The following PRSS23 variants were observed in gnomAD, a reference collection of about 807,000 sequenced individuals.
PRSS23 encodes protease, serine 23.
PRSS23 carries 25 observed loss-of-function variants against 34.7 expected under a neutral mutation model. The observed-to-expected ratio is 0.72, with a 90% CI of 0.53 to 1.01. The LOEUF is 1.01. Among genes scored for constraint, PRSS23 ranks in the 50% least tolerant of loss-of-function variants. The pLI is 0.00. For missense variants in PRSS23, 445 were observed against 475.6 expected, an observed-to-expected ratio of 0.94 and a Z score of 0.60; for synonymous variants, 176 against 186.6, an observed-to-expected ratio of 0.94 and a Z score of 0.46.
At chr11:86,856,479 A>T (rs749263649) in intron 2 of PRSS23, among the ~76,000 whole-genome samples, 1 of 152,184 alleles carries the variant, frequency 6.6e-6, no homozygotes, top group African/African-American at 2.4e-5. Flanking sequence ...TCTACACATA[A>T]CCTGCCTAAA....
intron 2 of PRSS23, chr11:86,833,304 G>A (rs1590885188): frequency 6.2e-6 from 9 of 1,449,670 alleles, no homozygotes; most frequent in East Asian, 4.7e-5. Context: ...GGAGGTGGAA[G>A]TCAGAGCTGA....
At position 86,951,291 on chromosome 11, in the gene PRSS23, T is replaced by C. The variant is rs1565396852; in HGVS notation, c.*6T>C. ...GACCAAATCCACATGCCTGAAGTGA[T>C]GCCCACCAACAAAGACATAAAAATT... On this transcript the variant is annotated 3_prime_UTR_variant, in exon 3 of 3. Coordinates refer to the PRSS23 transcript ENST00000533902. 1.9e-6 allele frequency: 3 copies of C among 1,614,204 alleles called. No individual in the cohort carries two copies. Among genetic ancestry groups the C allele is most frequent in the Non-Finnish European group, 2.5e-6 (3 of 1,180,024 alleles).
intron 2 of PRSS23, among the ~76,000 whole-genome samples, chr11:86,890,965 A>G (rs1161014245): frequency 6.6e-6 from 1 of 152,220 alleles, no homozygotes; most frequent in Non-Finnish European, 1.5e-5. Context: ...TTAGTAATTT[A>G]TAGTTTGCCA....
chr11:86,832,013 C>T (rs763292503), intron 2 of PRSS23, among the ~76,000 whole-genome samples: 4 of 151,512 alleles, frequency 2.6e-5, no homozygotes, highest in Non-Finnish European at 2.9e-5. Context: ...GTGTAACTCC[C>T]GTGATATTAC....
chr11:86,819,904 A>G (rs1948240857), intron 1 of PRSS23, among the ~76,000 whole-genome samples: 1 of 152,208 alleles, frequency 6.6e-6, no homozygotes, highest in Non-Finnish European at 1.5e-5. Flanking sequence ...CCTCATTACA[A>G]TCAGTTTGGC....
At chr11:86,945,682 CAAACA>C (rs1408737806) in intron 2 of PRSS23, 1 of 152,658 alleles carries the variant, frequency 6.6e-6, no homozygotes, top group Non-Finnish European at 1.5e-5. Context: ...CACAACCTAA[CAAACA>C]AAACTTTATT....
chr11:86,800,496 CG>C, upstream of PRSS23: 1 of 984,090 alleles, frequency 1.0e-6, no homozygotes, highest in Non-Finnish European at 1.2e-6. Flanking sequence ...TCGGGTGGCG[CG>C]GGGGGCGGAC....
At chr11:86,911,684 T>A (rs1948978745) in intron 2 of PRSS23, 1 of 152,218 alleles carries the variant, frequency 6.6e-6, no homozygotes. Flanking sequence ...TCAAATTTGT[T>A]TTTGTAGTTT....
intron 2 of PRSS23, among the ~76,000 whole-genome samples, chr11:86,868,535 A>G (rs1948665534): frequency 6.6e-6 from 1 of 152,134 alleles, no homozygotes; most frequent in Non-Finnish European, 1.5e-5. Flanking sequence ...TTTTTATTAT[A>G]GGGACCCCAG....
downstream of PRSS23, among the ~76,000 whole-genome samples, chr11:86,814,519 TGC>T (rs1948201958): frequency 2.0e-5 from 3 of 152,178 alleles, no homozygotes; most frequent in African/African-American, 7.2e-5. Flanking sequence ...GATCAGATTG[TGC>T]TTCAGGTTAT....
At position 86,836,602 on chromosome 11, in the gene PRSS23, A is replaced by G. The variant is rs917989605; in HGVS notation, c.206+13009A>G. Among the ~76,000 whole-genome samples the G allele has an allele frequency of 2.6e-5, 4 of 152,202 alleles. No individual in the cohort carries two copies. In the East Asian group the frequency reaches 5.8e-4, roughly 22 times the overall value. On this transcript the variant is annotated intron_variant, in intron 2 of 2. Coordinates refer to the PRSS23 transcript ENST00000533902. ...AAAACAGTAAAGCTCCCTAGTCACAACTTAGTGGCTGGGAGAAGTATCTAG... is the reference window on the plus strand; with the variant it reads ...AAAACAGTAAAGCTCCCTAGTCACAGCTTAGTGGCTGGGAGAAGTATCTAG...
At chr11:86,917,351 T>C (rs1190854991) in intron 2 of PRSS23, among the ~76,000 whole-genome samples, 2 of 152,220 alleles carry the variant, frequency 1.3e-5, no homozygotes, top group African/African-American at 4.8e-5. Context: ...CGTGGGCCTC[T>C]GGTGTAATAT....
chr11:86,918,943 G>C (rs1255534511), intron 2 of PRSS23, among the ~76,000 whole-genome samples: 1 of 152,202 alleles, frequency 6.6e-6, no homozygotes, highest in Non-Finnish European at 1.5e-5. Context: ...CATGGAAGGA[G>C]TAAGGGCCTA....
chr11:86,900,861 T>A (rs1316550708), intron 2 of PRSS23, among the ~76,000 whole-genome samples: 1 of 140,864 alleles, frequency 7.1e-6, no homozygotes, highest in Non-Finnish European at 1.5e-5. Context: ...CTCGGCTCAC[T>A]GCAACCTCTG....
intron 2 of PRSS23, among the ~76,000 whole-genome samples, chr11:86,887,160 C>T (rs1403278602): frequency 1.3e-5 from 2 of 152,126 alleles, no homozygotes; most frequent in Non-Finnish European, 2.9e-5. Flanking sequence ...ATATGACTGA[C>T]TCCAGAGCTG....
chr11:86,870,665 G>A (rs931226416), intron 2 of PRSS23, among the ~76,000 whole-genome samples: 4 of 152,114 alleles, frequency 2.6e-5, no homozygotes, highest in Non-Finnish European at 5.9e-5. Flanking sequence ...CCCACAGGTC[G>A]ATATGATTCT....
exon 2 of PRSS23, chr11:86,823,431 A>G: frequency 1.4e-6 from 1 of 702,360 alleles, no homozygotes; most frequent in Non-Finnish European, 2.6e-6. Context: ...CCTAGTCCTC[A>G]TGCCCCCACA....
chr11:86,924,379 A>C (rs534064226), intron 2 of PRSS23, among the ~76,000 whole-genome samples: 5 of 151,848 alleles, frequency 3.3e-5, no homozygotes, highest in African/African-American at 1.2e-4. Flanking sequence ...AGGGCCTACA[A>C]CAACAACAAA....
chr11:86,888,579 T>C (rs1948821059), intron 2 of PRSS23, among the ~76,000 whole-genome samples: 2 of 152,180 alleles, frequency 1.3e-5, no homozygotes, highest in South Asian at 4.1e-4. Flanking sequence ...TGGAGTTACA[T>C]GTAAGAAACA....
Sources: gnomAD v4.1 joint callset for allele counts (sites outside exome capture counted in the v4.1 genomes callset) on GRCh38, gnomAD v4.1.1 for gene constraint, MANE v1.5 for transcripts, NCBI Gene and HGNC (gene_info 2026-07-23, HGNC 2026-07-21) for gene names.